ZDHHC14: variants seen among roughly 807,000 people sequenced by gnomAD.
ZDHHC14 encodes palmitoyltransferase ZDHHC14.
ZDHHC14 carries 16 observed loss-of-function variants against 47.7 expected under a neutral mutation model. The ratio of observed to expected loss-of-function variants is 0.34; its 90% CI spans 0.23 to 0.51. The LOEUF is 0.51. ZDHHC14 is among the 20% of genes least tolerant of loss of function. The pLI is 0.97. For missense variants in ZDHHC14, 515 were observed against 662.5 expected (o/e 0.78, Z 2.44); for synonymous variants, 293 against 278.9 (o/e 1.05, Z -0.50).
At chr6:157,597,959 C>G (rs952324151) in intron 3 of ZDHHC14, among the ~76,000 whole-genome samples, 1 of 152,234 alleles carries the variant, frequency 6.6e-6, no homozygotes, top group Non-Finnish European at 1.5e-5. Flanking sequence ...CTTACAGGCT[C>G]TCTTTCTCAT....
chr6:157,453,246 C>T (rs9355686), intron 1 of ZDHHC14, among the ~76,000 whole-genome samples: 5 of 152,030 alleles, frequency 3.3e-5, no homozygotes, highest in Admixed American at 2.6e-4. Flanking sequence ...CTTTAGATAC[C>T]GAAGACATTC....
intron 1 of ZDHHC14, among the ~76,000 whole-genome samples, chr6:157,386,205 C>T (rs930611482): frequency 1.3e-4 from 20 of 152,016 alleles, no homozygotes; most frequent in African/African-American, 3.9e-4. Context: ...CTGTGCAGTC[C>T]GCTATTAAAG....
intron 8 of ZDHHC14, among the ~76,000 whole-genome samples, chr6:157,655,287 A>C (rs886235605): frequency 6.6e-6 from 1 of 152,164 alleles, no homozygotes; most frequent in African/African-American, 2.4e-5. Flanking sequence ...TTTAACCCTA[A>C]AGCAACAGTG....
chr6:157,451,695 G>A (rs1185158944), intron 1 of ZDHHC14, among the ~76,000 whole-genome samples: 4 of 152,032 alleles, frequency 2.6e-5, no homozygotes, highest in East Asian at 1.9e-4. Context: ...CGAGTAGCTG[G>A]GATTACAGGT....
intron 1 of ZDHHC14, among the ~76,000 whole-genome samples, chr6:157,474,282 T>G (rs1779426909): frequency 6.6e-6 from 1 of 152,210 alleles, no homozygotes. Context: ...TGGTCCACTG[T>G]GCTCAGCCCC....
In ZDHHC14 at chr6:157,653,931, C is replaced by T. The variant is rs139433751; in HGVS notation, c.1068+304C>T. The stretch of plus-strand genomic sequence containing the variant: ...TGGAAGCCCCTTATACAGGATCAGG[C>T]TGTTGTTACACATCCCAGGCAGGGC... On this transcript the variant is annotated intron_variant, in intron 8 of 8. Transcript: ENST00000359775. 1.2e-3 allele frequency among the ~76,000 whole-genome samples: 189 copies of T among 152,274 alleles called. 1 individual carries two copies. The highest frequency in any genetic ancestry group is 4.2e-3 in the African/African-American group (176 of 41,550).
intron 8 of ZDHHC14, among the ~76,000 whole-genome samples, chr6:157,669,379 GA>G (rs1778693263): frequency 6.6e-6 from 1 of 152,096 alleles, no homozygotes; most frequent in South Asian, 2.1e-4. Flanking sequence ...TCTCCCCAGA[GA>G]GGAAAGTTGA....
intron 1 of ZDHHC14, among the ~76,000 whole-genome samples, chr6:157,473,212 G>A (rs1432751814): frequency 6.6e-6 from 1 of 152,182 alleles, no homozygotes. Flanking sequence ...TAAGAATACA[G>A]TATATTGTTA....
intron 1 of ZDHHC14, among the ~76,000 whole-genome samples, chr6:157,386,206 G>A (rs1381750679): frequency 6.6e-6 from 1 of 152,066 alleles, no homozygotes; most frequent in African/African-American, 2.4e-5. Context: ...TGTGCAGTCC[G>A]CTATTAAAGT....
chr6:157,534,529 A>C (rs537469385), intron 1 of ZDHHC14, among the ~76,000 whole-genome samples: 9 of 147,260 alleles, frequency 6.1e-5, no homozygotes, highest in Non-Finnish European at 1.2e-4. Flanking sequence ...GCTTCCTGGA[A>C]TTCTATTTCA....
Position 157,393,322 on chromosome 6 carries a change from G to T in ZDHHC14, c.245+11056G>T, listed in dbSNP as rs570671862. Among the ~76,000 whole-genome samples, 25 of 152,302 alleles carry T rather than the reference G, an allele frequency of 1.6e-4. No individual in the cohort carries two copies. The South Asian group carries it at 3.9e-3, about 24-fold the overall frequency. On this transcript the variant is annotated intron_variant, in intron 1 of 8. Coordinates refer to ENST00000359775, the MANE Select transcript of ZDHHC14 (RefSeq NM_024630.3). ...TGGGAATGAGGTGGGGCCCAGCAAGGCAGCTGATAGAGGAGGGTGTAGCCA... is the reference window on the plus strand; with the variant it reads ...TGGGAATGAGGTGGGGCCCAGCAAGTCAGCTGATAGAGGAGGGTGTAGCCA...
At chr6:157,513,253 C>T (rs1583732421) in intron 1 of ZDHHC14, among the ~76,000 whole-genome samples, 2 of 152,210 alleles carry the variant, frequency 1.3e-5, no homozygotes, top group African/African-American at 2.4e-5. Context: ...GCACCATTCT[C>T]CTCCTCTTAG....
chr6:157,515,259 C>T (rs2114756308), intron 1 of ZDHHC14, among the ~76,000 whole-genome samples: 1 of 152,136 alleles, frequency 6.6e-6, no homozygotes, highest in African/African-American at 2.4e-5. Flanking sequence ...AGCATCTCTG[C>T]CAGACAGTGA....
chr6:157,435,401 G>A (rs530444716), intron 1 of ZDHHC14, among the ~76,000 whole-genome samples: 5 of 152,340 alleles, frequency 3.3e-5, no homozygotes, highest in African/African-American at 7.2e-5. Flanking sequence ...TTGTGATATC[G>A]ATGACATTGG....
chr6:157,599,650 T>C (rs1485906307), intron 3 of ZDHHC14, among the ~76,000 whole-genome samples: 1 of 152,074 alleles, frequency 6.6e-6, no homozygotes, highest in Non-Finnish European at 1.5e-5. Flanking sequence ...TAAACTGAAC[T>C]TAGAAGCAAA....
In ZDHHC14 at chr6:157,422,670, T is replaced by G. The variant is rs867484569; in HGVS notation, c.245+40404T>G. Among the ~76,000 whole-genome samples, 71 of 152,350 alleles carry G rather than the reference T, an allele frequency of 4.7e-4. 1 individual carries two copies. The highest frequency in any genetic ancestry group is 3.4e-3 in the Middle Eastern group (1 of 294). On this transcript the variant is annotated intron_variant, in intron 1 of 8. Coordinates refer to ENST00000359775, the MANE Select transcript of ZDHHC14 (RefSeq NM_024630.3). ...TTAAAGATGCCCCATGTTTTAAGGTTTCTACTCTCCATGATCAGGACGGGC... is the reference window on the plus strand; with the variant it reads ...TTAAAGATGCCCCATGTTTTAAGGTGTCTACTCTCCATGATCAGGACGGGC...
chr6:157,641,153 A>G (rs1267580925), intron 5 of ZDHHC14, among the ~76,000 whole-genome samples: 1 of 152,056 alleles, frequency 6.6e-6, no homozygotes, highest in African/African-American at 2.4e-5. Context: ...TCTTCTGTTG[A>G]TGGATATTAG....
intron 2 of ZDHHC14, among the ~76,000 whole-genome samples, chr6:157,557,380 G>A (rs1782519953): frequency 6.6e-6 from 1 of 152,144 alleles, no homozygotes; most frequent in South Asian, 2.1e-4. Context: ...AGGGGTGCCT[G>A]TTCTGATAGA....
At chr6:157,596,478 A>G (rs1471964984) in intron 3 of ZDHHC14, among the ~76,000 whole-genome samples, 2 of 152,128 alleles carry the variant, frequency 1.3e-5, no homozygotes, top group Non-Finnish European at 2.9e-5. Context: ...CGTTCAGAAG[A>G]GCAGTTTTCT....
Sources: gnomAD v4.1 joint callset for allele counts (sites outside exome capture counted in the v4.1 genomes callset) on GRCh38, gnomAD v4.1.1 for gene constraint, MANE v1.5 for transcripts, NCBI Gene and HGNC (gene_info 2026-07-23, HGNC 2026-07-21) for gene names.